Variants in ORC2 observed in about 807,000 individuals in gnomAD.
The protein encoded by ORC2 is origin recognition complex protein 2 homolog.
Under a neutral mutation model 77.7 loss-of-function variants are expected in ORC2, and 37 were observed. The ratio of observed to expected loss-of-function variants is 0.48; its 90% CI spans 0.37 to 0.63. The LOEUF (loss-of-function observed/expected upper bound fraction) is 0.63, where lower values mean the gene tolerates loss of function less well. Among genes scored for constraint, ORC2 ranks in the 20% least tolerant of loss-of-function variants. The pLI is 0.00. For synonymous variants in ORC2, 201 were observed against 229.5 expected (o/e 0.88, Z 1.12); for missense variants, 557 against 661.9 (o/e 0.84, Z 1.74).
At chr2:200,911,964 T>C (rs772317297) in intron 17 of ORC2, among the ~76,000 whole-genome samples, 5 of 152,198 alleles carry the variant, frequency 3.3e-5, no homozygotes, top group Non-Finnish European at 5.9e-5. Flanking sequence ...ATCTCACAGA[T>C]ATTTTCAGTC....
chr2:200,911,664 T>C (rs2040553341), intron 17 of ORC2, among the ~76,000 whole-genome samples: 1 of 152,200 alleles, frequency 6.6e-6, no homozygotes, highest in African/African-American at 2.4e-5. Flanking sequence ...TCCTGCCCTG[T>C]TTAGAATCTA....
intron 17 of ORC2, among the ~76,000 whole-genome samples, chr2:200,911,640 A>C (rs1318442406): frequency 6.6e-6 from 1 of 152,172 alleles, no homozygotes; most frequent in African/African-American, 2.4e-5. Flanking sequence ...TGTGCTTTAG[A>C]TCATTCTTCA....
chr2:200,959,013 C>CTCTCT (rs961488453), intron 2 of ORC2, among the ~76,000 whole-genome samples: 2 of 152,106 alleles, frequency 1.3e-5, no homozygotes, highest in African/African-American at 4.8e-5. Context: ...TTGACTGTGT[C>CTCTCT]TCTCTTTTCT....
At chr2:200,913,264 G>GGCA (rs779211720) in intron 17 of ORC2, 31 bp downstream of exon 17, 2 of 1,499,262 alleles carry the variant, frequency 1.3e-6, no homozygotes, top group Non-Finnish European at 1.8e-6. Context: ...GACTATTCCT[G>GGCA]GCATACAATG....
intron 8 of ORC2, among the ~76,000 whole-genome samples, chr2:200,936,751 T>C (rs1378639786): frequency 6.6e-6 from 1 of 152,184 alleles, no homozygotes; most frequent in African/African-American, 2.4e-5. Flanking sequence ...GATTCAAGAA[T>C]TGTCTTTTTA....
rs1040966695 is a variant in ORC2 at position 200,910,145 on chromosome 2, C to G, written c.*1156G>C. 2.0e-5 allele frequency: 3 copies of G among 152,062 alleles called. No individual in the cohort carries two copies. Among genetic ancestry groups the G allele is most frequent in the Non-Finnish European group, 4.4e-5 (3 of 68,022 alleles). The allele number at this position is 152,062 out of a possible 1,614,324, so 9.4% of individuals were successfully genotyped here. On this transcript the variant is annotated 3_prime_UTR_variant, in exon 18 of 18. Transcript: ENST00000234296. ...GAAATATTTTCATGAAAGAGGTTTA[C>G]AAGATAAGAAATGAGTGAGAAATGC...
At chr2:200,924,472 A>G (rs1045003987) in intron 13 of ORC2, among the ~76,000 whole-genome samples, 1 of 152,226 alleles carries the variant, frequency 6.6e-6, no homozygotes, top group Non-Finnish European at 1.5e-5. Flanking sequence ...ACTAAAGAAC[A>G]TGCTAGAATA....
chr2:200,932,661 T>C (rs577061255), intron 10 of ORC2, among the ~76,000 whole-genome samples: 1 of 152,242 alleles, frequency 6.6e-6, no homozygotes, highest in African/African-American at 2.4e-5. Context: ...TAATTAATAT[T>C]CATGGAAAAC....
At chr2:200,951,678 A>G (rs1010638279) in intron 4 of ORC2, among the ~76,000 whole-genome samples, 1 of 152,228 alleles carries the variant, frequency 6.6e-6, no homozygotes, top group South Asian at 2.1e-4. Flanking sequence ...TAAAGAATAA[A>G]AATAGATGGC....
chr2:200,927,997 T>G (rs570177504), intron 11 of ORC2, among the ~76,000 whole-genome samples: 1 of 151,518 alleles, frequency 6.6e-6, no homozygotes, highest in African/African-American at 2.4e-5. Context: ...CAGGAATCAA[T>G]GTTTAGTGAT....
chr2:200,911,329 A>G lies in ORC2; in HGVS notation c.1706T>C (p.Phe569Ser), dbSNP rs539729976. 20 of 1,609,430 alleles carry G rather than the reference A, an allele frequency of 1.2e-5. 2 individuals are homozygous for G. The South Asian group carries it at 2.2e-4, about 18-fold the overall frequency. ...AGCCTCCTCTTCTTCCTTTTCCAAG[A>G]AATCAGTCAATGTTCCATTATCAAC... Reference protein sequence around the residue: ...IPVDNGTLTDFLEKEEEEA With the variant: ...IPVDNGTLTDSLEKEEEEA The change falls in exon 18 of 18, where the codon TTC becomes TCC. Residue 569 changes from phenylalanine to serine, a missense_variant. Transcript: ENST00000234296.
intron 5 of ORC2, among the ~76,000 whole-genome samples, chr2:200,943,990 G>A (rs935067849): frequency 1.3e-5 from 2 of 151,906 alleles, no homozygotes; most frequent in Non-Finnish European, 2.9e-5. Context: ...TGGATTAAAG[G>A]CTGATTCACA....
chr2:200,927,520 A>C (rs1327067716), intron 11 of ORC2, among the ~76,000 whole-genome samples: 1 of 140,054 alleles, frequency 7.1e-6, no homozygotes, highest in Non-Finnish European at 1.5e-5. Flanking sequence ...ATCTCTACTA[A>C]AAATACAAAA....
intron 15 of ORC2, among the ~76,000 whole-genome samples, chr2:200,917,947 C>CT (rs1241256161): frequency 6.6e-6 from 1 of 151,196 alleles, no homozygotes; most frequent in Non-Finnish European, 1.5e-5. Context: ...ACACTCTCCT[C>CT]TATCTATTCC....
At chr2:200,913,529 T>C in intron 16 of ORC2, 116 bp from the exon 17 acceptor site, 1 of 1,391,240 alleles carries the variant, frequency 7.2e-7, no homozygotes, top group East Asian at 2.9e-5. Context: ...CCCAGAGCAG[T>C]GAACAAGTAT....
chr2:200,937,812 A>G (rs2041074878), intron 8 of ORC2, 94 bp downstream of exon 8: 6 of 775,638 alleles, frequency 7.7e-6, no homozygotes, highest in South Asian at 4.8e-5. Context: ...CAAAACACCA[A>G]GCAGTCTAAG....
chr2:200,920,889 G>A, intron 14 of ORC2, 104 bp downstream of exon 14: 2 of 717,190 alleles, frequency 2.8e-6, no homozygotes, highest in South Asian at 5.1e-5. Context: ...TGTAAAAGGG[G>A]AAAAAGCGTA....
chr2:200,946,548 C>T (rs2041252755), intron 5 of ORC2, among the ~76,000 whole-genome samples: 1 of 152,188 alleles, frequency 6.6e-6, no homozygotes, highest in Non-Finnish European at 1.5e-5. Context: ...ACTATCTTCT[C>T]ATGACTTTAA....
At chr2:200,929,626 C>T (rs1240541729) in intron 11 of ORC2, among the ~76,000 whole-genome samples, 2 of 151,746 alleles carry the variant, frequency 1.3e-5, no homozygotes, top group African/African-American at 2.4e-5. Flanking sequence ...CTCATCTCTA[C>T]ACAATAAAAA....
Sources: allele counts gnomAD v4.1 joint callset (sites outside exome capture counted in the v4.1 genomes callset), GRCh38; gene constraint gnomAD v4.1.1; transcripts MANE v1.5; gene names NCBI Gene and HGNC (gene_info 2026-07-23, HGNC 2026-07-21).